COL12A1: variants seen among roughly 807,000 people sequenced by gnomAD.
COL12A1 encodes the protein collagen type XII alpha 1 chain, also known as collagen alpha-1(XII) chain.
Under a neutral mutation model 349.7 loss-of-function variants are expected in COL12A1, and 114 were observed. That is an observed-to-expected ratio of 0.33 (90% confidence interval 0.28 to 0.38). COL12A1 has a LOEUF of 0.38. Ranked by LOEUF, COL12A1 falls within the 10% of genes least tolerant of loss-of-function variation. The pLI is 1.00. For missense variants in COL12A1, 3,284 were observed against 3,756.9 expected (o/e 0.87, Z 3.29); for synonymous variants, 1,369 against 1,329.0 (o/e 1.03, Z -0.66).
At position 75,151,403 on chromosome 6, in the gene COL12A1, T is replaced by A. The variant is rs570109238; in HGVS notation, c.4001-116A>T. The A allele has an allele frequency of 3.6e-6, 3 of 828,556 alleles. No homozygotes were observed. In the South Asian group the frequency reaches 5.8e-5, roughly 16 times the overall value. 51.3% of individuals were successfully genotyped at this position (828,556 alleles called of 1,614,324 possible). On this transcript the variant is annotated intron_variant, in intron 20 of 65. Coordinates refer to ENST00000322507, the MANE Select transcript of COL12A1 (RefSeq NM_004370.6). ...GCTGCTTTTGGCCAACTATGAAGGT[T>A]TAATAATTAGTTAACTAAAACATAC...
At chr6:75,205,625 C>T (rs1189488278) in intron 1 of COL12A1, among the ~76,000 whole-genome samples, 152 bp downstream of exon 1, 1 of 152,188 alleles carries the variant, frequency 6.6e-6, no homozygotes, top group Non-Finnish European at 1.5e-5. Context: ...GTATACAAGG[C>T]AACGCTCTAG....
At position 75,090,193 on chromosome 6, in the gene COL12A1, G is replaced by A. The variant is rs1554166746; in HGVS notation, c.8858C>T (p.Ala2953Val). 6.2e-7 allele frequency: 1 copy of A among 1,614,106 alleles called. No homozygotes were observed. The highest frequency in any genetic ancestry group is 1.3e-5 in the African/African-American group (1 of 75,050). The change falls in exon 63 of 66, where the codon GCA becomes GTA. Residue 2953 changes from alanine to valine, a missense_variant. Coordinates refer to ENST00000322507, the MANE Select transcript of COL12A1 (RefSeq NM_004370.6). This position sits in a 1 kb window ranked among gnomAD's most constrained non-coding sequence, Gnocchi z 4.1. ...PPGPPGPPGSAGARGEPGPGG... is the reference protein window; with the variant it reads ...PPGPPGPPGSVGARGEPGPGG... The stretch of plus-strand genomic sequence containing the variant: ...AGGCCCAGGTTCTCCTCTGGCTCCT[G>A]CGCTACCAGGAGGTCCCGGTGGACC...
chr6:75,136,559 G>A (rs190749054), intron 31 of COL12A1, among the ~76,000 whole-genome samples: 4 of 152,192 alleles, frequency 2.6e-5, no homozygotes, highest in African/African-American at 7.2e-5. Context: ...GCTTGAGCTC[G>A]GCAAGTCAGA....
chr6:75,140,385 T>A, intron 27 of COL12A1, among the ~76,000 whole-genome samples: 1 of 152,154 alleles, frequency 6.6e-6, no homozygotes, highest in East Asian at 1.9e-4. Context: ...GGCCAGGCAC[T>A]GTGGCTCACG....
chr6:75,176,335 T>G (rs548994714), intron 12 of COL12A1, among the ~76,000 whole-genome samples: 9 of 119,788 alleles, frequency 7.5e-5, no homozygotes, highest in Admixed American at 8.8e-5. Context: ...GGAGGGAGAG[T>G]GATGCAGTGG....
intron 15 of COL12A1, 149 bp from the exon 16 acceptor site, chr6:75,156,003 G>T: frequency 1.1e-6 from 1 of 931,584 alleles, no homozygotes. Flanking sequence ...CCAGATAACA[G>T]AGTGCTAGCT....
chr6:75,190,598 C>T (rs1243043293), intron 5 of COL12A1, among the ~76,000 whole-genome samples: 1 of 151,870 alleles, frequency 6.6e-6, no homozygotes, highest in African/African-American at 2.4e-5. Flanking sequence ...AATATGTTAT[C>T]TTTCCTTCTC....
rs1320786159 is a variant in COL12A1, at chr6:75,181,105, G to A, written c.1998C>T (p.Tyr666=). 6.2e-7 allele frequency: 1 copy of A among 1,613,838 alleles called. No homozygotes were observed. Among genetic ancestry groups the A allele is most frequent in the South Asian group, 1.1e-5 (1 of 91,068 alleles). Residue 666 remains tyrosine (Y), a synonymous_variant, in exon 11 of 66, where the codon TAC becomes TAT. Transcript: ENST00000322507. ...CCTCATCATCCCCAGCCGCTTCCTTGTAGGTGATGTGATATGAAAAAACAT... is the reference window on the plus strand; with the variant it reads ...CCTCATCATCCCCAGCCGCTTCCTTATAGGTGATGTGATATGAAAAAACAT... The part of the protein sequence containing the change: ...GENVFSYHIT[Y]KEAAGDDEVT...
chr6:75,152,848 A>C (rs1767562173), intron 17 of COL12A1, among the ~76,000 whole-genome samples: 1 of 152,164 alleles, frequency 6.6e-6, no homozygotes, highest in Non-Finnish European at 1.5e-5. Context: ...TAGCTGTCTA[A>C]CTATGAAGTA....
intron 26 of COL12A1, 46 bp downstream of exon 26, chr6:75,143,206 A>G (rs763888393): frequency 1.2e-6 from 2 of 1,607,072 alleles, no homozygotes; most frequent in Non-Finnish European, 1.7e-6. Flanking sequence ...TTTTAAACCT[A>G]CTAGGAAAAC....
chr6:75,129,963 A>T, intron 37 of COL12A1, 128 bp downstream of exon 37: 1 of 1,108,702 alleles, frequency 9.0e-7, no homozygotes, highest in Non-Finnish European at 1.3e-6. Context: ...ACGTCATGTC[A>T]GAGAAAATCC....
intron 2 of COL12A1, among the ~76,000 whole-genome samples, chr6:75,195,867 C>T (rs1770202647): frequency 1.3e-5 from 2 of 152,030 alleles, no homozygotes; most frequent in South Asian, 2.1e-4. Context: ...ATTTACAGAA[C>T]TTAAAGAAAA....
intron 12 of COL12A1, among the ~76,000 whole-genome samples, chr6:75,176,153 C>T (rs913804531): frequency 6.6e-6 from 1 of 152,074 alleles, no homozygotes; most frequent in African/African-American, 2.4e-5. Context: ...GAGAAAGCCT[C>T]CATAGCAGAA....
chr6:75,158,849 T>C (rs1767891035), intron 14 of COL12A1, among the ~76,000 whole-genome samples: 1 of 152,098 alleles, frequency 6.6e-6, no homozygotes, highest in Non-Finnish European at 1.5e-5. Context: ...AAAATTTTTT[T>C]AATGAACAGA....
chr6:75,088,827 C>A (rs149192204), intron 64 of COL12A1, among the ~76,000 whole-genome samples: 1 of 151,672 alleles, frequency 6.6e-6, no homozygotes, highest in Non-Finnish European at 1.5e-5. Context: ...GGCAAAACCC[C>A]GTCTCTACTA....
chr6:75,197,843 C>T (rs542224280), intron 2 of COL12A1, among the ~76,000 whole-genome samples: 29 of 152,096 alleles, frequency 1.9e-4, no homozygotes, highest in East Asian at 1.5e-3. Context: ...GTTATCAAAA[C>T]GCTATGCTAC....
intron 21 of COL12A1, among the ~76,000 whole-genome samples, chr6:75,149,542 G>A (rs1389685832): frequency 2.6e-5 from 4 of 152,112 alleles, no homozygotes; most frequent in African/African-American, 7.2e-5. Flanking sequence ...ACATAACAGT[G>A]TCTGGAATAA....
chr6:75,162,799 T>G (rs960559816), intron 14 of COL12A1, among the ~76,000 whole-genome samples: 41 of 152,062 alleles, frequency 2.7e-4, no homozygotes, highest in African/African-American at 9.9e-4. Context: ...TACAAAGAAC[T>G]GAAACAGATT....
intron 13 of COL12A1, among the ~76,000 whole-genome samples, chr6:75,171,153 T>A (rs1395515466): frequency 1.3e-5 from 2 of 152,218 alleles, no homozygotes; most frequent in African/African-American, 4.8e-5. Flanking sequence ...GACTTGAAGT[T>A]CAATTACATA....
Sources: gnomAD v4.1 joint callset for allele counts (sites outside exome capture counted in the v4.1 genomes callset) on GRCh38, gnomAD v4.1.1 for gene constraint, Gnocchi (gnomAD v3.1) non-coding constraint, MANE v1.5 for transcripts, NCBI Gene and HGNC (gene_info 2026-07-23, HGNC 2026-07-21) for gene names.